ZNF577: variants seen among roughly 807,000 people sequenced by gnomAD.
The protein encoded by ZNF577 is zinc finger protein 577.
In ZNF577, 14 loss-of-function variants were observed where a neutral mutation model predicts 13.9. That is an observed-to-expected ratio of 1.00 (90% CI 0.66 to 1.57). The LOEUF is 1.57. Among genes scored for constraint, ZNF577 ranks in the 40% most tolerant of loss-of-function variants. The pLI is 0.00. For synonymous variants in ZNF577, 203 were observed against 202.9 expected (o/e 1.00, Z 0.00); for missense variants, 555 against 579.2 (o/e 0.96, Z 0.43).
intron 10 of ZNF577, among the ~76,000 whole-genome samples, chr19:51,805,754 A>G (rs2084054579): frequency 6.6e-6 from 1 of 152,234 alleles, no homozygotes; most frequent in Non-Finnish European, 1.5e-5. Context: ...GCAAAGTTAC[A>G]GAGGACATCA....
At chr19:51,855,142 T>C (rs115795217) in intron 5 of ZNF577, among the ~76,000 whole-genome samples, 1,610 of 152,332 alleles carry the variant, frequency 0.011, 27 homozygotes, top group African/African-American at 0.034. Flanking sequence ...TTGTTGAATA[T>C]AGAAATTTTA....
At chr19:51,834,807 C>G (rs2084280199) in intron 9 of ZNF577, among the ~76,000 whole-genome samples, 1 of 152,148 alleles carries the variant, frequency 6.6e-6, no homozygotes, top group Non-Finnish European at 1.5e-5. Flanking sequence ...CCTCAGCCTC[C>G]TGAATGGCTG....
chr19:51,814,891 C>T (rs1009193245), intron 9 of ZNF577, among the ~76,000 whole-genome samples: 6 of 152,102 alleles, frequency 3.9e-5, no homozygotes, highest in African/African-American at 1.2e-4. Context: ...CTCACTGCAA[C>T]CTCCACCTCC....
chr19:51,806,647 G>A (rs2084060839), intron 10 of ZNF577, among the ~76,000 whole-genome samples: 1 of 152,200 alleles, frequency 6.6e-6, no homozygotes, highest in African/African-American at 2.4e-5. Flanking sequence ...AAAGCTGTAG[G>A]AAATTTTGAA....
At chr19:51,857,342 GAA>G (rs1480112463) in intron 5 of ZNF577, among the ~76,000 whole-genome samples, 2 of 135,476 alleles carry the variant, frequency 1.5e-5, no homozygotes, top group East Asian at 2.1e-4. Flanking sequence ...AGGAGAGAAA[GAA>G]AGAGAGAAAG....
At chr19:51,847,416 C>T (rs2084358365) in intron 5 of ZNF577, among the ~76,000 whole-genome samples, 1 of 152,090 alleles carries the variant, frequency 6.6e-6, no homozygotes. Flanking sequence ...CCTCCCCAGA[C>T]ACCTACTTTC....
At chr19:51,882,480 A>T (rs554202726) in intron 1 of ZNF577, among the ~76,000 whole-genome samples, 5 of 75,298 alleles carry the variant, frequency 6.6e-5, no homozygotes, top group African/African-American at 1.3e-4. Flanking sequence ...AGTATCCAAT[A>T]AAAAAAAAAA....
At chr19:51,858,005 G>A (rs949069375) in intron 5 of ZNF577, among the ~76,000 whole-genome samples, 3 of 152,022 alleles carry the variant, frequency 2.0e-5, no homozygotes, top group Non-Finnish European at 4.4e-5. Context: ...GAGCTTTACA[G>A]GGCCCTGAAG....
chr19:51,874,263 C>T (rs1272744325), intron 5 of ZNF577, among the ~76,000 whole-genome samples: 1 of 152,172 alleles, frequency 6.6e-6, no homozygotes, highest in African/African-American at 2.4e-5. Flanking sequence ...AGTGACTAAT[C>T]ATTATTCTCT....
intron 5 of ZNF577, among the ~76,000 whole-genome samples, chr19:51,857,418 G>GAA (rs1491216474): frequency 0.016 from 1,805 of 114,966 alleles, 66 homozygotes; most frequent in East Asian, 0.068. Context: ...AAGAAAGAAA[G>GAA]AAAGAAAGAA....
chr19:51,817,516 G>GT (rs374226180), intron 9 of ZNF577, among the ~76,000 whole-genome samples: 42,403 of 145,352 alleles, frequency 0.29, 5,949 homozygotes, highest in South Asian at 0.41. Context: ...AATCTGTTTT[G>GT]TTTTTTTTTT....
In ZNF577 at chr19:51,855,399, G is replaced by GTGTGTGTGTGTGTA. The variant is rs993998116; in HGVS notation, c.284-10469_284-10468insTACACACACACACA. 2.8e-3 allele frequency among the ~76,000 whole-genome samples: 402 copies of GTGTGTGTGTGTGTA among 142,576 alleles called. 2 individuals carry two copies. Among genetic ancestry groups the GTGTGTGTGTGTGTA allele is most frequent in the African/African-American group, 8.7e-3 (321 of 36,796 alleles). The allele number at this position is 142,576 out of a possible 152,430, so 93.5% of individuals were successfully genotyped here. ...TGTGTGTGTGTGTGTGTGTGTGTGT[G>GTGTGTGTGTGTGTA]TGTGTGTGTCTACTTCAATGCTCAA... is the stretch of plus-strand genomic sequence containing the variant. On this transcript the variant is annotated intron_variant and NMD_transcript_variant, in intron 5 of 10. Coordinates refer to the ZNF577 transcript ENST00000638827.
chr19:51,858,487 T>A (rs537461166), intron 5 of ZNF577, among the ~76,000 whole-genome samples: 3 of 152,332 alleles, frequency 2.0e-5, no homozygotes, highest in African/African-American at 7.2e-5. Flanking sequence ...TAGTGTTTAG[T>A]ACTCCTTAAA....
chr19:51,839,882 G>C (rs1027168405), intron 9 of ZNF577: 2 of 152,260 alleles, frequency 1.3e-5, no homozygotes, highest in African/African-American at 4.8e-5. Flanking sequence ...CAACAGCGCT[G>C]GGAAACTCAC....
Position 51,870,571 on chromosome 19 carries a change from T to G in ZNF577, c.*1961A>C, listed in dbSNP as rs2084643395. 6.6e-6 allele frequency among the ~76,000 whole-genome samples: 1 copy of G among 152,102 alleles called. No individual in the cohort carries two copies. Among genetic ancestry groups the G allele is most frequent in the African/African-American group, 2.4e-5 (1 of 41,380 alleles). On this transcript the variant is annotated 3_prime_UTR_variant, in exon 6 of 6. Coordinates refer to ENST00000638348, the MANE Select transcript of ZNF577 (RefSeq NM_001370449.1). ...AATGCTTGTGTGTAATCCAAGGATT[T>G]TTCTGCGTGTTCATTTCTTCCTGTT...
chr19:51,858,507 G>A (rs1287665185), intron 5 of ZNF577, among the ~76,000 whole-genome samples: 1 of 152,176 alleles, frequency 6.6e-6, no homozygotes, highest in East Asian at 1.9e-4. Context: ...ACATCTTTAT[G>A]TCTGAAGATT....
At position 51,824,636 on chromosome 19, in the gene ZNF577, C is replaced by T. The variant is rs370268021; in HGVS notation, c.*600-12962G>A. On this transcript the variant is annotated intron_variant and NMD_transcript_variant, in intron 9 of 10. Coordinates refer to the ZNF577 transcript ENST00000638827. This position sits in a 1 kb window ranked among gnomAD's most constrained non-coding sequence, Gnocchi z 4.7. ...GCTCCTTGGCCTTTTTTAACAGCTG[C>T]CTCAACCCAATTCTCTACGTCTTTA... 4.5e-5 allele frequency: 73 copies of T among 1,614,124 alleles called. 1 individual carries two copies. In the Middle Eastern group the frequency reaches 1.2e-3, roughly 26 times the overall value.
At position 51,867,549 on chromosome 19, in the gene ZNF577, C is replaced by A. The variant is rs752531408; in HGVS notation, c.*4983G>T. Among the ~76,000 whole-genome samples the A allele has an allele frequency of 2.0e-5, 3 of 149,704 alleles. No individual in the cohort carries two copies. The highest frequency in any genetic ancestry group is 4.4e-5 in the Non-Finnish European group (3 of 67,592). On this transcript the variant is annotated 3_prime_UTR_variant, in exon 6 of 6. Transcript: ENST00000638348. Reference sequence around the variant, plus strand: ...CAGCACTTTGGGAGGCTGAGGTGGGCGGATCACAAGGTCAGGAGTTCGAGA... The same window carrying A: ...CAGCACTTTGGGAGGCTGAGGTGGGAGGATCACAAGGTCAGGAGTTCGAGA...
intron 5 of ZNF577, among the ~76,000 whole-genome samples, chr19:51,857,731 G>A (rs1335394792): frequency 6.6e-6 from 1 of 151,978 alleles, no homozygotes; most frequent in Non-Finnish European, 1.5e-5. Flanking sequence ...CTGCTCACCA[G>A]AAATATACAG....
Sources: gnomAD v4.1 joint callset for allele counts (sites outside exome capture counted in the v4.1 genomes callset) on GRCh38, gnomAD v4.1.1 for gene constraint, Gnocchi (gnomAD v3.1) non-coding constraint, MANE v1.5 for transcripts, NCBI Gene and HGNC (gene_info 2026-07-23, HGNC 2026-07-21) for gene names.